The following PPM1B variants were observed in gnomAD, a reference collection of about 807,000 sequenced individuals.
PPM1B encodes protein phosphatase, Mg2+/Mn2+ dependent 1B, also known as protein phosphatase 1B.
In PPM1B, 22 loss-of-function variants were observed where a neutral mutation model predicts 43.0. The observed-to-expected ratio is 0.51, with a 90% confidence interval of 0.37 to 0.73. The LOEUF is 0.73. PPM1B is among the 30% of genes least tolerant of loss of function. PPM1B has a pLI of 0.00. For synonymous variants in PPM1B, 217 were observed against 197.9 expected (o/e 1.10, Z -0.81); for missense variants, 632 against 584.2 (o/e 1.08, Z -0.84).
At chr2:44,215,899 T>TGG (rs1211772214) in intron 3 of PPM1B, among the ~76,000 whole-genome samples, 1 of 152,130 alleles carries the variant, frequency 6.6e-6, no homozygotes, top group Non-Finnish European at 1.5e-5. Context: ...CAGCCGTGCT[T>TGG]GGAGAGAGAA....
chr2:44,245,334 T>C (rs1670836575), downstream of PPM1B, among the ~76,000 whole-genome samples: 1 of 152,170 alleles, frequency 6.6e-6, no homozygotes, highest in South Asian at 2.1e-4. Context: ...CCAGATGATC[T>C]TTCAGCAGCC....
chr2:44,236,095 GA>G (rs899145015), downstream of PPM1B, among the ~76,000 whole-genome samples: 3 of 151,202 alleles, frequency 2.0e-5, no homozygotes, highest in African/African-American at 7.3e-5. Context: ...CATTGTCATT[GA>G]AAAAAAATTA....
intron 2 of PPM1B, among the ~76,000 whole-genome samples, chr2:44,203,514 A>T (rs185408148): frequency 4.6e-5 from 7 of 152,178 alleles, no homozygotes; most frequent in African/African-American, 1.4e-4. Context: ...AAAAATCCAG[A>T]TGATGAAGAA....
intron 5 of PPM1B, chr2:44,244,121 G>A (rs1670806413): frequency 2.3e-6 from 1 of 431,422 alleles, no homozygotes; most frequent in Non-Finnish European, 3.4e-6. Flanking sequence ...TATTTTAAAT[G>A]TATACCTTCT....
chr2:44,224,475 A>C (rs1670126169), intron 5 of PPM1B, among the ~76,000 whole-genome samples: 1 of 138,638 alleles, frequency 7.2e-6, no homozygotes. Flanking sequence ...AAAAAAAAAA[A>C]GAATTTTGGT....
At chr2:44,211,385 T>G (rs886973558) in intron 3 of PPM1B, among the ~76,000 whole-genome samples, 3 of 152,152 alleles carry the variant, frequency 2.0e-5, no homozygotes, top group Non-Finnish European at 4.4e-5. Context: ...CAGCTTGGGT[T>G]GGCTGATGTT....
chr2:44,219,943 C>CAA (rs200841724), intron 5 of PPM1B, among the ~76,000 whole-genome samples: 1 of 96,030 alleles, frequency 1.0e-5, no homozygotes, highest in Non-Finnish European at 2.2e-5. Context: ...AACTCCGTCT[C>CAA]AAAAAAAAAA....
rs1290855570 is a variant in PPM1B at position 44,209,263 on chromosome 2, G to C, written c.900G>C (p.Lys300Asn). ...IVLVCFSNAPKVSDEAVKKDS... is the reference protein window; with the variant it reads ...IVLVCFSNAPNVSDEAVKKDS... ...TAGTTTGCTTTTCAAATGCTCCCAA[G>C]GTCTCAGATGAAGCGGTGAAAAAAG... The change falls in exon 3 of 6, where the codon AAG becomes AAC. Residue 300 changes from lysine to asparagine, a missense_variant. Physicochemically the swap from Lys to Asn is moderately conservative, Grantham distance 94 (BLOSUM62 0). Coordinates refer to ENST00000282412, the MANE Select transcript of PPM1B (RefSeq NM_002706.6). 1 of 1,613,732 alleles carries C rather than the reference G, an allele frequency of 6.2e-7. No homozygotes were observed. Among genetic ancestry groups the C allele is most frequent in the Non-Finnish European group, 8.5e-7 (1 of 1,179,892 alleles).
chr2:44,170,408 G>T (rs1208666209), intron 1 of PPM1B, among the ~76,000 whole-genome samples: 1 of 152,228 alleles, frequency 6.6e-6, no homozygotes, highest in Non-Finnish European at 1.5e-5. Context: ...TTAGTGTTAT[G>T]TAGCTATTTT....
chr2:44,216,286 G>A (rs2104212226), intron 3 of PPM1B, among the ~76,000 whole-genome samples: 1 of 152,218 alleles, frequency 6.6e-6, no homozygotes, highest in Non-Finnish European at 1.5e-5. Context: ...TAGCTGAGGG[G>A]GTGCCACTGG....
chr2:44,220,893 A>T (rs907498300), intron 5 of PPM1B, among the ~76,000 whole-genome samples: 1 of 152,242 alleles, frequency 6.6e-6, no homozygotes, highest in African/African-American at 2.4e-5. Flanking sequence ...CTAGAGAGGC[A>T]AGGACAAAGT....
At chr2:44,228,282 GACTTAGCTCAAC>G (rs1670313418) in intron 5 of PPM1B, among the ~76,000 whole-genome samples, 1 of 138,008 alleles carries the variant, frequency 7.2e-6, no homozygotes, top group South Asian at 2.2e-4. Flanking sequence ...CAACCTCCTC[GACTTAGCTCAAC>G]CTCTCGCCTC....
At chr2:44,238,638 G>T (rs1255888189), downstream of PPM1B, among the ~76,000 whole-genome samples, 1 of 151,894 alleles carries the variant, frequency 6.6e-6, no homozygotes, top group Non-Finnish European at 1.5e-5. Context: ...GGAGGCGGAG[G>T]TTGCAGTGAG....
rs923847674 is a variant in PPM1B, at chr2:44,231,298, C to T, written c.*580C>T. The T allele has an allele frequency of 7.1e-6, 7 of 979,220 alleles. No homozygotes were observed. In the Admixed American group the frequency reaches 2.5e-4, roughly 34 times the overall value. The allele number at this position is 979,220 out of a possible 1,614,324, so 60.7% of individuals were successfully genotyped here. On this transcript the variant is annotated 3_prime_UTR_variant, in exon 6 of 6. Coordinates refer to ENST00000282412, the MANE Select transcript of PPM1B (RefSeq NM_002706.6). The stretch of plus-strand genomic sequence containing the variant: ...TTGGATGTGTGGCTATTTTTCCTTT[C>T]TCTGTATTCTTTATGAAACATAACT...
At chr2:44,170,105 A>T (rs894329562) in intron 1 of PPM1B, among the ~76,000 whole-genome samples, 1 of 152,202 alleles carries the variant, frequency 6.6e-6, no homozygotes. Flanking sequence ...TTATTTCTTC[A>T]TTTTTTAAAC....
Position 44,218,060 on chromosome 2 carries a change from G to A in PPM1B, c.1058G>A (p.Gly353Glu), listed in dbSNP as rs1669806904. 2.5e-6 allele frequency: 4 copies of A among 1,612,086 alleles called. No individual in the cohort carries two copies. The highest frequency in any genetic ancestry group is 3.4e-6 in the Non-Finnish European group (4 of 1,179,122). ...GAAAATATCCCAAATTTGCCTCCTG[G>A]GGGAGGTCTTGCTGGCAAGTAAGTA... is the stretch of plus-strand genomic sequence containing the variant. ...SAENIPNLPP[G>E]GGLAGKRNVI... Residue 353 changes from glycine to glutamate, a missense_variant, in exon 4 of 6, where the codon GGG (glycine) becomes GAG (glutamate). Physicochemically the swap from Gly to Glu is moderately conservative, Grantham distance 98 (BLOSUM62 -2). Around this residue, in one of 3 missense-constraint regions of PPM1B, gnomAD observed 392 missense variants for 302.7 expected, o/e 1.29. Transcript: ENST00000282412.
At position 44,230,421 on chromosome 2, in the gene PPM1B, T is replaced by A. The variant is rs753877229; in HGVS notation, c.1143T>A (p.Asp381Glu). The A allele has an allele frequency of 6.2e-7, 1 of 1,613,626 alleles. No individual in the cohort carries two copies. The highest frequency in any genetic ancestry group is 8.5e-7 in the Non-Finnish European group (1 of 1,179,658). ...NPHRESDGAS[D>E]EAEESGSQGK... The stretch of plus-strand genomic sequence containing the variant: ...TTGAATCTTAAAAAAAGGCCTCCGA[T>A]GAAGCAGAGGAAAGTGGATCACAGG... Residue 381 changes from aspartate to glutamate, a missense_variant, in exon 6 of 6, where the codon GAT (aspartate) becomes GAA (glutamate). Asp to Glu is a conservative substitution (Grantham distance 45, BLOSUM62 2). Around this residue, in one of 3 missense-constraint regions of PPM1B, gnomAD observed 392 missense variants for 302.7 expected, o/e 1.29. Transcript: ENST00000282412.
At position 44,222,758 on chromosome 2, in the gene PPM1B, C is replaced by A. The variant is rs987548303; in HGVS notation, c.1134+4221C>A. On this transcript the variant is annotated intron_variant, in intron 5 of 5. Coordinates refer to ENST00000282412, the MANE Select transcript of PPM1B (RefSeq NM_002706.6). ...AGGTAGAGATTATGTATGTCTGTAC[C>A]CCACCTGTGTCTACCATGCAGGAAA... Among the ~76,000 whole-genome samples, 15 of 152,202 alleles carry A rather than the reference C, an allele frequency of 9.9e-5. No homozygotes were observed. In the East Asian group the frequency reaches 1.7e-3, roughly 18 times the overall value.
At chr2:44,226,999 G>C (rs1281211421) in intron 5 of PPM1B, among the ~76,000 whole-genome samples, 2 of 148,972 alleles carry the variant, frequency 1.3e-5, no homozygotes, top group Non-Finnish European at 3.0e-5. Context: ...TGAATGACAG[G>C]GTCTTCCTCC....
Sources: gnomAD v4.1 joint callset for allele counts (sites outside exome capture counted in the v4.1 genomes callset) on GRCh38, gnomAD v4.1.1 for gene constraint, gnomAD v4.1.1 regional missense constraint, MANE v1.5 for transcripts, NCBI Gene and HGNC (gene_info 2026-07-23, HGNC 2026-07-21) for gene names.